Variants in FAM107A observed in about 807,000 individuals in gnomAD.
The protein encoded by FAM107A is family with sequence similarity 107 member A.
FAM107A carries 19 observed loss-of-function variants against 13.7 expected under a neutral mutation model. The observed-to-expected ratio is 1.38, with a 90% CI of 0.97 to 2.03. The LOEUF is 2.03. Ranked by LOEUF, FAM107A falls within the 30% of genes most tolerant of loss-of-function variation. The pLI, the probability that FAM107A is intolerant of heterozygous loss-of-function variation, is 0.00. For missense variants in FAM107A, 203 were observed against 184.4 expected, an observed-to-expected ratio of 1.10 and a Z score of -0.58; for synonymous variants, 82 against 74.5, an observed-to-expected ratio of 1.10 and a Z score of -0.52.
chr3:58,614,803 A>G (rs1212665186), intron 1 of FAM107A, among the ~76,000 whole-genome samples: 1 of 138,270 alleles, frequency 7.2e-6, no homozygotes, highest in Non-Finnish European at 1.6e-5. Context: ...CCGCACCAGG[A>G]CGATTCAATT....
In FAM107A at chr3:58,617,743, C is replaced by T. The variant is rs1279583027; in HGVS notation, c.-70+9673G>A. Among the ~76,000 whole-genome samples the T allele has an allele frequency of 6.6e-6, 1 of 152,172 alleles. No individual in the cohort carries two copies. The highest frequency in any genetic ancestry group is 2.4e-5 in the African/African-American group (1 of 41,442). On this transcript the variant is annotated intron_variant, in intron 1 of 3. Coordinates refer to the FAM107A transcript ENST00000465970. The surrounding 1 kb of genome is among the most constrained non-coding windows in gnomAD (Gnocchi z 4.5). ...TTAAATTCTCCTGAACTTTAGGCCC[C>T]TCTTCAGTGCTACTCCCAGGGGAGT...
At chr3:58,623,320 C>G (rs1040101332) in intron 1 of FAM107A, among the ~76,000 whole-genome samples, 4 of 152,172 alleles carry the variant, frequency 2.6e-5, no homozygotes, top group African/African-American at 7.2e-5. Flanking sequence ...GGACAGGACT[C>G]TTTCAGGGCC....
At chr3:58,594,224 T>G (rs981481834) in intron 1 of FAM107A, among the ~76,000 whole-genome samples, 1 of 152,224 alleles carries the variant, frequency 6.6e-6, no homozygotes, top group African/African-American at 2.4e-5. Flanking sequence ...TTACTATTGC[T>G]TAGGAAGACA....
At chr3:58,627,070 G>A in intron 1 of FAM107A, 3 of 1,460,736 alleles carry the variant, frequency 2.1e-6, no homozygotes, top group Non-Finnish European at 1.9e-6. Flanking sequence ...TTGATCTCAG[G>A]AGCCAGGACC....
chr3:58,575,157 C>T (rs891895726), intron 1 of FAM107A, among the ~76,000 whole-genome samples: 1 of 152,124 alleles, frequency 6.6e-6, no homozygotes, highest in African/African-American at 2.4e-5. Context: ...ACACATAAGC[C>T]AGTAAAGCAA....
intron 1 of FAM107A, among the ~76,000 whole-genome samples, chr3:58,611,780 A>G (rs1002612467): frequency 6.6e-6 from 1 of 152,248 alleles, no homozygotes; most frequent in East Asian, 1.9e-4. Context: ...TGGGGATAAC[A>G]GTAGTGCCGA....
intron 1 of FAM107A, among the ~76,000 whole-genome samples, chr3:58,573,829 A>G (rs2063707817): frequency 6.6e-6 from 1 of 152,192 alleles, no homozygotes; most frequent in South Asian, 2.1e-4. Flanking sequence ...CAGCCCTGGG[A>G]CACACCACGC....
chr3:58,596,324 T>TTCCCCATGC (rs1468362390), intron 1 of FAM107A, among the ~76,000 whole-genome samples: 4 of 152,202 alleles, frequency 2.6e-5, no homozygotes, highest in African/African-American at 4.8e-5. Flanking sequence ...TGCCATAGTC[T>TTCCCCATGC]TCCCCATGCA....
At chr3:58,581,147 G>T (rs974104101), upstream of FAM107A, among the ~76,000 whole-genome samples, 92 of 152,338 alleles carry the variant, frequency 6.0e-4, no homozygotes, top group African/African-American at 2.0e-3. Context: ...GGGGCCTGGG[G>T]ATCTGCATAC....
chr3:58,626,822 G>C, intron 1 of FAM107A: 2 of 718,866 alleles, frequency 2.8e-6, no homozygotes, highest in East Asian at 5.4e-5. Flanking sequence ...CTGCTTTCTA[G>C]ATGCAAGTCT....
Position 58,625,584 on chromosome 3 carries a change from G to A in FAM107A, c.-70+1832C>T, listed in dbSNP as rs573888884. Among the ~76,000 whole-genome samples the A allele has an allele frequency of 5.3e-5, 8 of 152,310 alleles. No homozygotes were observed. In the South Asian group the frequency reaches 1.7e-3, roughly 32 times the overall value. On this transcript the variant is annotated intron_variant, in intron 1 of 3. Coordinates refer to the FAM107A transcript ENST00000465970. The stretch of plus-strand genomic sequence containing the variant: ...GGCATGAAGCTCAACTGTGCATGTA[G>A]ATGTTTCTCCTTTCATAAATATTCA...
rs944427529 is a variant in FAM107A, at chr3:58,617,274, A to G, written c.-70+10142T>C. ...CAGAATGACCCCTACCTGTTCCCAG[A>G]GCTCAGGTGGGTGGAGAAAAATCCC... is the stretch of plus-strand genomic sequence containing the variant. On this transcript the variant is annotated intron_variant, in intron 1 of 3. Transcript: ENST00000465970. The surrounding 1 kb of genome is among the most constrained non-coding windows in gnomAD (Gnocchi z 4.5). Among the ~76,000 whole-genome samples, 1 of 152,080 alleles carries G rather than the reference A, an allele frequency of 6.6e-6. No homozygotes were observed. The highest frequency in any genetic ancestry group is 1.5e-5 in the Non-Finnish European group (1 of 67,998).
chr3:58,615,818 CCCTA>C (rs540305606), intron 1 of FAM107A, among the ~76,000 whole-genome samples: 1 of 149,712 alleles, frequency 6.7e-6, no homozygotes, highest in Admixed American at 6.8e-5. Flanking sequence ...ATCACTTGAG[CCCTA>C]AAGGCAGAGG....
chr3:58,582,648 C>G (rs1334732834), upstream of FAM107A, among the ~76,000 whole-genome samples: 1 of 152,240 alleles, frequency 6.6e-6, no homozygotes, highest in East Asian at 1.9e-4. Context: ...ACCTTCAACT[C>G]TCTGTTTCCT....
chr3:58,619,549 C>T (rs904565540), intron 1 of FAM107A, among the ~76,000 whole-genome samples: 3 of 152,188 alleles, frequency 2.0e-5, no homozygotes, highest in Admixed American at 6.5e-5. Flanking sequence ...AACCTCTCCC[C>T]GCCTCCTGAC....
exon 1 of FAM107A, chr3:58,586,943 G>A: frequency 1.3e-6 from 2 of 1,526,522 alleles, no homozygotes; most frequent in Non-Finnish European, 1.7e-6. Context: ...CCATGCCCCC[G>A]CGCCTCCTAC....
chr3:58,610,731 A>G (rs550296510), intron 1 of FAM107A, among the ~76,000 whole-genome samples: 15 of 152,176 alleles, frequency 9.9e-5, no homozygotes, highest in Admixed American at 4.6e-4. Context: ...ACCCTCTTCC[A>G]CCTGAGTGGA....
At position 58,616,104 on chromosome 3, in the gene FAM107A, C is replaced by T. The variant is rs1474142686; in HGVS notation, c.-70+11312G>A. Among the ~76,000 whole-genome samples the T allele has an allele frequency of 1.3e-5, 2 of 152,020 alleles. 1 individual carries two copies. Among genetic ancestry groups the T allele is most frequent in the Non-Finnish European group, 2.9e-5 (2 of 67,998 alleles). ...AGCCCAGAGCACGATCAGCCAGGGC[C>T]TGTGGTGTTCCTTGTAACAGCTCTT... On this transcript the variant is annotated intron_variant, in intron 1 of 3. Coordinates refer to the FAM107A transcript ENST00000465970.
chr3:58,626,024 C>A (rs763714912), intron 1 of FAM107A, among the ~76,000 whole-genome samples: 3 of 152,160 alleles, frequency 2.0e-5, no homozygotes, highest in African/African-American at 7.2e-5. Flanking sequence ...TACCAGCCCC[C>A]CTTTATAAAC....
Sources: allele counts gnomAD v4.1 joint callset (sites outside exome capture counted in the v4.1 genomes callset), GRCh38; gene constraint gnomAD v4.1.1; non-coding constraint Gnocchi (gnomAD v3.1); transcripts MANE v1.5; gene names NCBI Gene and HGNC (gene_info 2026-07-23, HGNC 2026-07-21).